C21orf91: variants seen among roughly 807,000 people sequenced by gnomAD.
C21orf91 encodes protein EURL homolog.
Under a neutral mutation model 32.9 loss-of-function variants are expected in C21orf91, and 26 were observed. That is an observed-to-expected ratio of 0.79 (90% CI 0.58 to 1.10). C21orf91 has a LOEUF of 1.10. C21orf91 is among the 50% of genes least tolerant of loss of function. C21orf91 has a pLI of 0.00. For synonymous variants in C21orf91, 126 were observed against 120.4 expected (o/e 1.05, Z -0.31); for missense variants, 310 against 341.3 (o/e 0.91, Z 0.72).
At chr21:17,795,057 C>G in intron 4 of C21orf91, 151 bp downstream of exon 4, 11 of 565,834 alleles carry the variant, frequency 1.9e-5, no homozygotes, top group Non-Finnish European at 1.6e-5. Context: ...AAAGTTGTTT[C>G]TTTCTTATTC....
chr21:17,798,662 C>T (rs906674536), intron 2 of C21orf91, among the ~76,000 whole-genome samples: 3 of 152,130 alleles, frequency 2.0e-5, no homozygotes, highest in African/African-American at 7.2e-5. Flanking sequence ...GTCAAATTTC[C>T]AGCAACATTA....
At chr21:17,805,762 G>A (rs1784680411) in intron 2 of C21orf91, among the ~76,000 whole-genome samples, 2 of 152,156 alleles carry the variant, frequency 1.3e-5, no homozygotes, top group African/African-American at 2.4e-5. Context: ...ATAATCCAAT[G>A]GACCCAAGTA....
At chr21:17,812,110 T>C (rs188209334) in intron 2 of C21orf91, among the ~76,000 whole-genome samples, 221 of 152,302 alleles carry the variant, frequency 1.5e-3, no homozygotes, top group African/African-American at 5.0e-3. Context: ...ATATGGGTTG[T>C]TAGTTAAATC....
chr21:17,803,532 A>C lies in C21orf91; in HGVS notation c.128-6414T>G, dbSNP rs112201059. Among the ~76,000 whole-genome samples the C allele has an allele frequency of 5.2e-3, 795 of 152,228 alleles. 4 individuals carry two copies. The highest frequency in any genetic ancestry group is 8.6e-3 in the Non-Finnish European group (582 of 68,006). On this transcript the variant is annotated intron_variant, in intron 2 of 4. Transcript: ENST00000284881. Reference sequence around the variant, plus strand: ...CCTGTGTCTTAAAAAAAAGAAAAAAAAGTTTTTTATGGAGGCTCACATTTG... The same window carrying C: ...CCTGTGTCTTAAAAAAAAGAAAAAACAGTTTTTTATGGAGGCTCACATTTG...
In C21orf91 at chr21:17,797,238, T is replaced by G. The variant is rs1174188251; in HGVS notation, c.128-120A>C. The G allele has an allele frequency of 1.2e-5, 7 of 596,536 alleles. No individual in the cohort carries two copies. In the East Asian group the frequency reaches 1.9e-4, roughly 17 times the overall value. The allele number at this position is 596,536 out of a possible 1,614,324, so 37.0% of individuals were successfully genotyped here. A position where few individuals can be genotyped will look rare whatever the true frequency, so the allele number is the denominator to read the frequency against. On this transcript the variant is annotated intron_variant, in intron 2 of 4. Transcript: ENST00000284881. The stretch of plus-strand genomic sequence containing the variant: ...GATAGTCTGTGAATTAGAGGAAAAA[T>G]GCTAAAGAATATTAGTATTAATATA...
intron 2 of C21orf91, among the ~76,000 whole-genome samples, chr21:17,806,312 T>C (rs568381749): frequency 6.6e-6 from 1 of 152,252 alleles, no homozygotes; most frequent in East Asian, 1.9e-4. Context: ...CGAAGAATAG[T>C]TGGGAGGAGA....
At chr21:17,811,987 T>C (rs1169628426) in intron 2 of C21orf91, among the ~76,000 whole-genome samples, 2 of 152,036 alleles carry the variant, frequency 1.3e-5, no homozygotes, top group Non-Finnish European at 2.9e-5. Flanking sequence ...AATTTATGTG[T>C]GATCTAAATT....
intron 2 of C21orf91, among the ~76,000 whole-genome samples, chr21:17,808,416 A>G (rs2146258679): frequency 6.6e-6 from 1 of 152,290 alleles, no homozygotes; most frequent in East Asian, 1.9e-4. Flanking sequence ...CCTCATGGAG[A>G]CCATCTACTA....
intron 2 of C21orf91, among the ~76,000 whole-genome samples, chr21:17,808,648 T>C (rs2062613790): frequency 1.3e-5 from 2 of 152,220 alleles, no homozygotes; most frequent in African/African-American, 4.8e-5. Context: ...AACTTGTTTT[T>C]TAGAGGCTTA....
chr21:17,797,383 G>A (rs991911323), intron 2 of C21orf91, among the ~76,000 whole-genome samples: 3 of 151,664 alleles, frequency 2.0e-5, no homozygotes, highest in East Asian at 1.9e-4. Flanking sequence ...GTTACTGCAC[G>A]ATATAAAAAA....
rs200192230 is a variant in C21orf91, at chr21:17,796,695, C to T, written c.551G>A (p.Arg184His). 188 of 1,613,736 alleles carry T rather than the reference C, an allele frequency of 1.2e-4. No homozygotes were observed. The highest frequency in any genetic ancestry group is 5.8e-4 in the Admixed American group (35 of 59,982). Residue 184 changes from arginine (R) to histidine (H), a missense_variant, in exon 3 of 5, where the codon CGT becomes CAT. Physicochemically the swap from Arg to His is conservative, Grantham distance 29. Transcript: ENST00000284881. ...ACTATGAGGCCACAATACACTGTTA[C>T]GACATAAAGTGGCACCTGAATCTTG... ...MLQDSGATLC[R>H]NSVLWPHSHN...
At chr21:17,796,455 A>T in intron 3 of C21orf91, 127 bp downstream of exon 3, 1 of 709,072 alleles carries the variant, frequency 1.4e-6, no homozygotes. Flanking sequence ...GCTAAGGTGA[A>T]CCTGTTAAAT....
chr21:17,803,318 T>G (rs1415904521), intron 2 of C21orf91, among the ~76,000 whole-genome samples: 2 of 152,142 alleles, frequency 1.3e-5, no homozygotes, highest in Non-Finnish European at 2.9e-5. Context: ...CCCAGGAATT[T>G]GAGAGTCGTC....
intron 2 of C21orf91, among the ~76,000 whole-genome samples, chr21:17,799,824 AAAG>A (rs1301756713): frequency 8.5e-5 from 13 of 152,220 alleles, no homozygotes; most frequent in African/African-American, 2.7e-4. Flanking sequence ...TGGGTACTCA[AAAG>A]TAGTTAAATG....
chr21:17,805,715 G>T (rs917447126), intron 2 of C21orf91, among the ~76,000 whole-genome samples: 1 of 152,108 alleles, frequency 6.6e-6, no homozygotes, highest in Non-Finnish European at 1.5e-5. Context: ...GGACTATAAG[G>T]TTTAATTAAC....
At position 17,789,310 on chromosome 21, in the gene C21orf91, C is replaced by T. The variant is rs1351292923; in HGVS notation, c.*4105G>A. The T allele has an allele frequency of 1.3e-5, 2 of 151,256 alleles. No homozygotes were observed. Among genetic ancestry groups the T allele is most frequent in the Non-Finnish European group, 2.9e-5 (2 of 67,928 alleles). The allele number at this position is 151,256 out of a possible 1,614,324, so 9.4% of individuals were successfully genotyped here. On this transcript the variant is annotated 3_prime_UTR_variant, in exon 5 of 5. Coordinates refer to ENST00000284881, the MANE Select transcript of C21orf91 (RefSeq NM_001100420.2). ...ACAAAATGGAACTGAACAAAAGTCA[C>T]TACTTAATACTTTCTAAATTGCCTC...
At chr21:17,811,948 T>A (rs2062635317) in intron 2 of C21orf91, among the ~76,000 whole-genome samples, 1 of 152,164 alleles carries the variant, frequency 6.6e-6, no homozygotes, top group Non-Finnish European at 1.5e-5. Flanking sequence ...TATACTCCTC[T>A]GTTGCAGAGG....
In C21orf91 at chr21:17,791,025, T is replaced by C. The variant is rs537604802; in HGVS notation, c.*2390A>G. On this transcript the variant is annotated 3_prime_UTR_variant, in exon 5 of 5. Transcript: ENST00000284881. ...AAAAATTACTAACAACTGTAGAGAA[T>C]AGCCAAGTGTGGAAAACAATATTTG... is the stretch of plus-strand genomic sequence containing the variant. The C allele has an allele frequency of 3.9e-5, 6 of 152,196 alleles. No individual in the cohort carries two copies. The highest frequency in any genetic ancestry group is 7.4e-5 in the Non-Finnish European group (5 of 67,940). The allele number at this position is 152,196 out of a possible 1,614,324, so 9.4% of individuals were successfully genotyped here.
intron 3 of C21orf91, 23 bp from the exon 4 acceptor site, chr21:17,795,293 C>CTAT: frequency 6.6e-7 from 1 of 1,526,276 alleles, no homozygotes; most frequent in Non-Finnish European, 9.1e-7. Flanking sequence ...AATGTATTCA[C>CTAT]TATTACCACA....
Sources: allele counts gnomAD v4.1 joint callset (sites outside exome capture counted in the v4.1 genomes callset), GRCh38; gene constraint gnomAD v4.1.1; transcripts MANE v1.5; gene names NCBI Gene and HGNC (gene_info 2026-07-23, HGNC 2026-07-21).